The following KCNIP4 variants were observed in gnomAD, a reference collection of about 807,000 sequenced individuals.
The protein encoded by KCNIP4 is potassium voltage-gated channel interacting protein 4.
KCNIP4 carries 12 observed loss-of-function variants against 34.0 expected under a neutral mutation model. The observed-to-expected ratio is 0.35, with a 90% CI of 0.23 to 0.57. The LOEUF (loss-of-function observed/expected upper bound fraction) is 0.57, where lower values mean the gene tolerates loss of function less well. Ranked by LOEUF, KCNIP4 falls within the 20% of genes least tolerant of loss-of-function variation. KCNIP4 has a pLI of 0.83. For synonymous variants in KCNIP4, 124 were observed against 102.2 expected, an observed-to-expected ratio of 1.21 and a Z score of -1.29; for missense variants, 238 against 311.7, an observed-to-expected ratio of 0.76 and a Z score of 1.78.
chr4:21,625,457 G>A (rs16871614), intron 1 of KCNIP4, among the ~76,000 whole-genome samples: 1,832 of 152,150 alleles, frequency 0.012, 67 homozygotes, highest in East Asian at 0.071. Flanking sequence ...GGTAAGGTCT[G>A]TAATTCTCTC....
At chr4:20,864,402 A>G (rs966186550) in intron 2 of KCNIP4, among the ~76,000 whole-genome samples, 1 of 151,150 alleles carries the variant, frequency 6.6e-6, no homozygotes, top group Non-Finnish European at 1.5e-5. Flanking sequence ...TTATATATAT[A>G]TAACATATAT....
chr4:21,461,190 T>A (rs1417342840), intron 1 of KCNIP4, among the ~76,000 whole-genome samples: 4 of 151,900 alleles, frequency 2.6e-5, no homozygotes, highest in African/African-American at 4.8e-5. Flanking sequence ...TCTGGCTGTT[T>A]AAAAGTGTTC....
At chr4:21,486,831 G>A (rs1178998799) in intron 1 of KCNIP4, among the ~76,000 whole-genome samples, 1 of 148,698 alleles carries the variant, frequency 6.7e-6, no homozygotes, top group Admixed American at 6.7e-5. Context: ...TTGAGATGGA[G>A]TTTTGCTCTG....
intron 1 of KCNIP4, among the ~76,000 whole-genome samples, chr4:20,896,458 C>T (rs1447014988): frequency 1.5e-4 from 23 of 151,932 alleles, no homozygotes; most frequent in Admixed American, 1.5e-3. Flanking sequence ...TAGGGTGGGC[C>T]CTATAGCCAA....
At chr4:21,599,435 A>G (rs990257709) in intron 1 of KCNIP4, among the ~76,000 whole-genome samples, 3 of 148,244 alleles carry the variant, frequency 2.0e-5, no homozygotes, top group East Asian at 2.0e-4. Flanking sequence ...TCCCCTCAAA[A>G]TGCAAATTGT....
chr4:21,696,365 A>G (rs1218037904), intron 1 of KCNIP4, among the ~76,000 whole-genome samples: 1 of 152,134 alleles, frequency 6.6e-6, no homozygotes, highest in African/African-American at 2.4e-5. Context: ...ATGTGACACG[A>G]TATCATAAAT....
intron 1 of KCNIP4, among the ~76,000 whole-genome samples, chr4:21,190,340 GTTAGTA>G (rs1326499501): frequency 4.6e-5 from 7 of 152,138 alleles, no homozygotes; most frequent in Non-Finnish European, 8.8e-5. Flanking sequence ...GTTGGTATTG[GTTAGTA>G]TTCATTAGTA....
intron 1 of KCNIP4, among the ~76,000 whole-genome samples, chr4:21,123,455 T>C (rs1225070569): frequency 6.6e-6 from 1 of 152,168 alleles, no homozygotes; most frequent in Non-Finnish European, 1.5e-5. Context: ...TTTCAAACTT[T>C]TTGATTTCAG....
chr4:21,458,523 G>C (rs184036599), intron 1 of KCNIP4, among the ~76,000 whole-genome samples: 2 of 152,124 alleles, frequency 1.3e-5, no homozygotes, highest in East Asian at 3.9e-4. Flanking sequence ...TCCCACCTAT[G>C]ACTGAAATCA....
chr4:21,386,372 C>A (rs1722035204), intron 1 of KCNIP4, among the ~76,000 whole-genome samples: 1 of 152,142 alleles, frequency 6.6e-6, no homozygotes, highest in South Asian at 2.1e-4. Flanking sequence ...CAGGGCTATA[C>A]TTTGACCACT....
intron 2 of KCNIP4, among the ~76,000 whole-genome samples, chr4:20,859,388 G>A (rs73242534): frequency 2.1e-4 from 32 of 152,130 alleles, no homozygotes; most frequent in Non-Finnish European, 2.8e-4. Context: ...ATTCAAATGC[G>A]CATTTGCATC....
chr4:21,677,665 T>G (rs1232527605), intron 1 of KCNIP4, among the ~76,000 whole-genome samples: 1 of 152,194 alleles, frequency 6.6e-6, no homozygotes, highest in East Asian at 1.9e-4. Flanking sequence ...TTTCTTTCAC[T>G]CTGCCATATC....
intron 1 of KCNIP4, among the ~76,000 whole-genome samples, chr4:21,866,435 C>T (rs1725420070): frequency 6.6e-6 from 1 of 152,174 alleles, no homozygotes; most frequent in African/African-American, 2.4e-5. Context: ...GTTGCTGCTC[C>T]CATTCATAGG....
intron 1 of KCNIP4, among the ~76,000 whole-genome samples, chr4:21,325,023 G>T (rs1714892157): frequency 6.6e-6 from 1 of 151,700 alleles, no homozygotes; most frequent in African/African-American, 2.4e-5. Flanking sequence ...TATTATAAAT[G>T]GGATTATTTT....
At chr4:21,598,497 CT>C in intron 1 of KCNIP4, among the ~76,000 whole-genome samples, 1 of 152,112 alleles carries the variant, frequency 6.6e-6, no homozygotes, top group South Asian at 2.1e-4. Context: ...GCCAATAAAA[CT>C]TTATTTACAA....
intron 1 of KCNIP4, among the ~76,000 whole-genome samples, chr4:20,972,907 A>G (rs1490883110): frequency 6.6e-6 from 1 of 152,220 alleles, no homozygotes; most frequent in Middle Eastern, 3.2e-3. Flanking sequence ...CTGAGTATTT[A>G]ACTGAACTAC....
intron 1 of KCNIP4, among the ~76,000 whole-genome samples, chr4:21,441,436 C>T (rs1727469475): frequency 6.6e-6 from 1 of 152,132 alleles, no homozygotes; most frequent in South Asian, 2.1e-4. Context: ...AGCCATCGCG[C>T]CCGGCCACGA....
chr4:21,800,406 T>C (rs1025939236), intron 1 of KCNIP4, among the ~76,000 whole-genome samples: 2 of 152,196 alleles, frequency 1.3e-5, no homozygotes, highest in African/African-American at 4.8e-5. Flanking sequence ...TCATTTTCTT[T>C]CCTTTTCTAG....
chr4:21,451,210 A>T (rs146808390), intron 1 of KCNIP4, among the ~76,000 whole-genome samples: 1 of 152,124 alleles, frequency 6.6e-6, no homozygotes, highest in African/African-American at 2.4e-5. Flanking sequence ...GGTTATTGCC[A>T]TTCCTGAGTA....
Sources: gnomAD v4.1 joint callset for allele counts (sites outside exome capture counted in the v4.1 genomes callset) on GRCh38, gnomAD v4.1.1 for gene constraint, MANE v1.5 for transcripts, NCBI Gene and HGNC (gene_info 2026-07-23, HGNC 2026-07-21) for gene names.